The following INPP5F variants were observed in gnomAD, a reference collection of about 807,000 sequenced individuals.
INPP5F encodes the protein inositol polyphosphate-5-phosphatase F.
A neutral mutation model predicts 137.2 loss-of-function variants in INPP5F; 97 were observed. That is an observed-to-expected ratio of 0.71 (90% CI 0.60 to 0.84). The LOEUF is 0.84. Among genes scored for constraint, INPP5F ranks in the 40% least tolerant of loss-of-function variants. INPP5F has a pLI of 0.00. For synonymous variants in INPP5F, 504 were observed against 476.9 expected (o/e 1.06, Z -0.74); for missense variants, 1,271 against 1,371.9 (o/e 0.93, Z 1.16).
At chr10:119,759,481 C>A (rs575831169) in intron 2 of INPP5F, among the ~76,000 whole-genome samples, 15 of 152,130 alleles carry the variant, frequency 9.9e-5, no homozygotes, top group Admixed American at 4.6e-4. Flanking sequence ...CCTCTGCCTC[C>A]TTGGTTTAAG....
chr10:119,762,459 A>T (rs1469847475), intron 2 of INPP5F, among the ~76,000 whole-genome samples: 1 of 152,064 alleles, frequency 6.6e-6, no homozygotes, highest in East Asian at 1.9e-4. Context: ...TCATCTACCA[A>T]AGGCCCCACC....
Position 119,778,730 on chromosome 10 carries a change from G to T in INPP5F, c.179-2905G>T, listed in dbSNP as rs72826424. ...GTAACCAGAGTACAGTAGTGCATAC[G>T]GTTCTTTTTGTCTTTATTTTTACCA... is the stretch of plus-strand genomic sequence containing the variant. On this transcript the variant is annotated intron_variant, in intron 2 of 19. Transcript: ENST00000650623. 5.8e-3 allele frequency among the ~76,000 whole-genome samples: 879 copies of T among 152,020 alleles called. 14 individuals are homozygous for T. Among genetic ancestry groups the T allele is most frequent in the African/African-American group, 0.02 (832 of 41,422 alleles).
chr10:119,798,786 C>CTTTTTTTTT (rs374141329), intron 9 of INPP5F, among the ~76,000 whole-genome samples, 176 bp downstream of exon 9: 30 of 100,710 alleles, frequency 3.0e-4, no homozygotes, highest in African/African-American at 9.6e-4. Context: ...GAGTCAGCTA[C>CTTTTTTTTT]TTTTTTTTTT....
At chr10:119,752,266 G>A (rs184027225) in intron 2 of INPP5F, among the ~76,000 whole-genome samples, 98 of 152,224 alleles carry the variant, frequency 6.4e-4, no homozygotes, top group Non-Finnish European at 1.1e-3. Flanking sequence ...TAAAATACAC[G>A]CATGTATCTA....
chr10:119,726,463 G>A, intron 1 of INPP5F, 104 bp downstream of exon 1: 2 of 536,374 alleles, frequency 3.7e-6, no homozygotes, highest in Non-Finnish European at 5.3e-6. Context: ...CTGCGGGCCT[G>A]GTGAGGCGGG....
chr10:119,795,842 A>G (rs901668693), intron 6 of INPP5F, among the ~76,000 whole-genome samples: 2 of 152,192 alleles, frequency 1.3e-5, no homozygotes, highest in Non-Finnish European at 1.5e-5. Flanking sequence ...TCGGGAGGCC[A>G]AGGCTGGCGG....
chr10:119,798,874 TCTCTC>T (rs1850486967), intron 9 of INPP5F, among the ~76,000 whole-genome samples: 1 of 150,576 alleles, frequency 6.6e-6, no homozygotes, highest in Non-Finnish European at 1.5e-5. Flanking sequence ...CAAGCAATCT[TCTCTC>T]CTCAGCCTCC....
intron 1 of INPP5F, among the ~76,000 whole-genome samples, chr10:119,742,278 C>T (rs1237493586): frequency 3.3e-5 from 5 of 152,144 alleles, no homozygotes; most frequent in African/African-American, 9.6e-5. Context: ...CTTTAGTTTC[C>T]CGAGTAGCTG....
At chr10:119,809,953 T>G in intron 13 of INPP5F, 147 bp from the exon 14 acceptor site, 1 of 583,598 alleles carries the variant, frequency 1.7e-6, no homozygotes, top group Non-Finnish European at 3.1e-6. Flanking sequence ...TATTTTAATT[T>G]AACTATACTA....
At chr10:119,767,860 A>C (rs974856378) in intron 2 of INPP5F, among the ~76,000 whole-genome samples, 4 of 152,252 alleles carry the variant, frequency 2.6e-5, no homozygotes, top group Admixed American at 6.5e-5. Flanking sequence ...ATTTGTATGC[A>C]TCTAAGTATA....
rs746263369 is a variant in INPP5F at position 119,827,065 on chromosome 10, T to C, written c.2684T>C (p.Ile895Thr). 4 of 1,614,152 alleles carry C rather than the reference T, an allele frequency of 2.5e-6. No homozygotes were observed. Among genetic ancestry groups the C allele is most frequent in the Non-Finnish European group, 3.4e-6 (4 of 1,180,010 alleles). ...IDYVLPSCGI[I>T]ASAPRLGSRS... ...TACGTTCTTCCTAGTTGTGGTATTA[T>C]TGCCTCAGCGCCTCGATTGGGCAGT... is the stretch of plus-strand genomic sequence containing the variant. Residue 895 changes from isoleucine (I) to threonine (T), a missense_variant, in exon 20 of 20, where the codon ATT (isoleucine) becomes ACT (threonine). Transcript: ENST00000650623.
intron 6 of INPP5F, among the ~76,000 whole-genome samples, chr10:119,795,478 T>C (rs1850337986): frequency 7.6e-6 from 1 of 132,122 alleles, no homozygotes; most frequent in Non-Finnish European, 1.6e-5. Context: ...TCTCAGACGA[T>C]GGGCGGCCGG....
In INPP5F at chr10:119,827,747, TATAC is replaced by T; in HGVS notation, c.3368_3371del (p.Ile1123AsnfsTer6). 6.2e-7 allele frequency: 1 copy of T among 1,612,690 alleles called. No homozygotes were observed. The highest frequency in any genetic ancestry group is 1.1e-5 in the South Asian group (1 of 90,828). On this transcript the variant is annotated frameshift_variant, in exon 20 of 20. Coordinates refer to ENST00000650623, the MANE Select transcript of INPP5F (RefSeq NM_014937.4). LOFTEE classifies it high-confidence loss of function. ...AGCAAAATGAACTTAAAAAGATGTT[TATAC>T]AATGCCAGACACGGATAATTCAGAT...
chr10:119,822,977 A>G (rs1851621221), intron 17 of INPP5F, 94 bp from the exon 18 acceptor site: 4 of 1,258,242 alleles, frequency 3.2e-6, no homozygotes, highest in South Asian at 1.5e-5. Flanking sequence ...TGTCATTTAT[A>G]TTATGAAGAA....
rs557716469 is a variant in INPP5F at position 119,797,204 on chromosome 10, T to A, written c.869-257T>A. Among the ~76,000 whole-genome samples the A allele has an allele frequency of 2.1e-3, 320 of 152,340 alleles. 2 individuals carry two copies. Among genetic ancestry groups the A allele is most frequent in the Non-Finnish European group, 3.9e-3 (267 of 68,028 alleles). ...ACTCCACTGACAGCCTGTATCACCG[T>A]GATAAATCCTTCCTATGTGCTAGTG... On this transcript the variant is annotated intron_variant, in intron 7 of 19. Transcript: ENST00000650623.
intron 1 of INPP5F, among the ~76,000 whole-genome samples, chr10:119,735,353 C>G (rs1259162675): frequency 6.6e-6 from 1 of 152,132 alleles, no homozygotes; most frequent in Non-Finnish European, 1.5e-5. Context: ...CTTTAAAATA[C>G]TAAGCCAATT....
intron 3 of INPP5F, among the ~76,000 whole-genome samples, chr10:119,785,667 T>A (rs1849883831): frequency 6.6e-6 from 1 of 151,660 alleles, no homozygotes; most frequent in Non-Finnish European, 1.5e-5. Flanking sequence ...GAGACCAGCC[T>A]GGGCCACATA....
intron 10 of INPP5F, 36 bp from the exon 11 acceptor site, chr10:119,805,348 T>G: frequency 6.5e-7 from 1 of 1,530,954 alleles, no homozygotes. Flanking sequence ...TATGATTAAA[T>G]TAAAGATTTT....
chr10:119,781,692 G>C lies in INPP5F; in HGVS notation c.236G>C (p.Gly79Ala), dbSNP rs1849713518. 1 of 1,612,694 alleles carries C rather than the reference G, an allele frequency of 6.2e-7. No homozygotes were observed. Among genetic ancestry groups the C allele is most frequent in the Non-Finnish European group, 8.5e-7 (1 of 1,178,906 alleles). ...AAAGCATTGGTGGGCAAACTCCCAG[G>C]AGACCATGAGGTCTGTAAAGTTACC... is the stretch of plus-strand genomic sequence containing the variant. ...RQKALVGKLP[G>A]DHEVCKVTKI... Residue 79 changes from glycine to alanine, a missense_variant, in exon 3 of 20, where the codon GGA becomes GCA. This residue lies in a region of INPP5F where 109 missense variants were observed against 105.1 expected (regional missense o/e 1.04). Transcript: ENST00000650623.
Sources: allele counts gnomAD v4.1 joint callset (sites outside exome capture counted in the v4.1 genomes callset), GRCh38; gene constraint gnomAD v4.1.1; regional missense constraint gnomAD v4.1.1; transcripts MANE v1.5; gene names NCBI Gene and HGNC (gene_info 2026-07-23, HGNC 2026-07-21).